The following ZNF675 variants were observed in gnomAD, a reference collection of about 807,000 sequenced individuals.
ZNF675 encodes the protein TRAF6 inhibitory zinc finger.
A neutral mutation model predicts 56.1 loss-of-function variants in ZNF675; 36 were observed. The observed-to-expected ratio is 0.64, with a 90% CI of 0.49 to 0.85. The LOEUF is 0.85. ZNF675 is among the 40% of genes least tolerant of loss of function. The probability of loss-of-function intolerance (pLI) is 0.00; values close to 1 mark genes in which losing one functional copy is unlikely to be tolerated. For synonymous variants in ZNF675, 200 were observed against 218.9 expected (o/e 0.91, Z 0.76); for missense variants, 663 against 654.2 (o/e 1.01, Z -0.15).
chr19:23,680,525 G>A (rs1968363104), intron 1 of ZNF675, among the ~76,000 whole-genome samples: 4 of 151,576 alleles, frequency 2.6e-5, no homozygotes, highest in African/African-American at 4.9e-5. Context: ...TTGGGAGGCT[G>A]AGGTGGGTGA....
At chr19:23,670,953 A>C (rs79593350) in intron 1 of ZNF675, among the ~76,000 whole-genome samples, 14,511 of 152,180 alleles carry the variant, frequency 0.095, 751 homozygotes, top group East Asian at 0.22. Flanking sequence ...CCCACTACTG[A>C]TCCTCATTGA....
At position 23,654,357 on chromosome 19, in the gene ZNF675, T is replaced by C; in HGVS notation, c.576A>G (p.Arg192=). 6.2e-7 allele frequency: 1 copy of C among 1,612,094 alleles called. No individual in the cohort carries two copies. Among genetic ancestry groups the C allele is most frequent in the Non-Finnish European group, 8.5e-7 (1 of 1,179,254 alleles). ...TGCAGAAATTCACCTTGGTATAATTTCTTTCATGTCGAGTTAGGTGTGAAA... is the reference window on the plus strand; with the variant it reads ...TGCAGAAATTCACCTTGGTATAATTCCTTTCATGTCGAGTTAGGTGTGAAA... ...CMLSHLTRHE[R]NYTKVNFCKC... The change falls in exon 4 of 4, where the codon AGA becomes AGG. Residue 192 remains arginine (R), a synonymous_variant. Transcript: ENST00000359788.
At position 23,657,725 on chromosome 19, in the gene ZNF675, CAAAA is replaced by C. The variant is rs550412769; in HGVS notation, c.227-3023_227-3020del. ...AGAGTAAAACTCCATCTCAAAAGAA[CAAAA>C]AAGACTATCTCCATGACTAATCACT... On this transcript the variant is annotated intron_variant, in intron 3 of 3. Transcript: ENST00000359788. 1.6e-4 allele frequency among the ~76,000 whole-genome samples: 25 copies of C among 151,580 alleles called. No homozygotes were observed. The South Asian group carries it at 4.8e-3, about 29-fold the overall frequency.
chr19:23,687,137 C>G lies in ZNF675; in HGVS notation c.-104G>C, dbSNP rs981543591. ...ACCTCTAGGAGCAGAGGACACAGAG[C>G]AATGAAAGCGAGACCTGGAGCTCCG... On this transcript the variant is annotated 5_prime_UTR_variant, in exon 1 of 4. Transcript: ENST00000359788. 4 of 1,450,026 alleles carry G rather than the reference C, an allele frequency of 2.8e-6. No homozygotes were observed. The highest frequency in any genetic ancestry group is 1.4e-5 in the African/African-American group (1 of 70,932). The allele number at this position is 1,450,026 out of a possible 1,614,324, so 89.8% of individuals were successfully genotyped here.
intron 1 of ZNF675, among the ~76,000 whole-genome samples, chr19:23,677,542 C>A (rs538861908): frequency 6.7e-5 from 10 of 150,214 alleles, no homozygotes; most frequent in Middle Eastern, 3.4e-3. Context: ...CTCATCTCTA[C>A]TAAAAATACA....
intron 2 of ZNF675, among the ~76,000 whole-genome samples, 157 bp downstream of exon 2, chr19:23,662,875 T>C (rs1351491663): frequency 6.6e-6 from 1 of 152,084 alleles, no homozygotes; most frequent in Non-Finnish European, 1.5e-5. Context: ...TCCCAGCTAC[T>C]TGGAAGGCTG....
In ZNF675 at chr19:23,684,275, A is replaced by AC. The variant is rs796589538; in HGVS notation, c.3+2755_3+2756insG. Among the ~76,000 whole-genome samples the AC allele has an allele frequency of 5.1e-3, 764 of 148,740 alleles. 3 individuals are homozygous for AC. The highest frequency in any genetic ancestry group is 0.024 in the South Asian group (111 of 4,714). ...AGACTCCGTCTCAAAAAAAAAAAAA[A>AC]AAAAAAACTAAAGTCAAAATAAGTG... is the stretch of plus-strand genomic sequence containing the variant. On this transcript the variant is annotated intron_variant, in intron 1 of 3. Transcript: ENST00000359788.
intron 1 of ZNF675, 36 bp downstream of exon 1, chr19:23,686,995 T>C: frequency 6.2e-7 from 1 of 1,613,226 alleles, no homozygotes; most frequent in Non-Finnish European, 8.5e-7. Context: ...AACCAGCCCC[T>C]TCCCCCTCTC....
At chr19:23,666,402 G>A (rs1437286996) in intron 1 of ZNF675, among the ~76,000 whole-genome samples, 1 of 152,212 alleles carries the variant, frequency 6.6e-6, no homozygotes, top group Non-Finnish European at 1.5e-5. Flanking sequence ...ACTAATCAGA[G>A]CAATTGTGGG....
chr19:23,658,056 G>A (rs1018529026), intron 3 of ZNF675, among the ~76,000 whole-genome samples: 3 of 152,086 alleles, frequency 2.0e-5, no homozygotes, highest in African/African-American at 7.2e-5. Flanking sequence ...CAACACTGAT[G>A]TACCATTAAA....
intron 1 of ZNF675, among the ~76,000 whole-genome samples, chr19:23,663,849 A>G (rs1968114585): frequency 6.6e-6 from 1 of 152,212 alleles, no homozygotes; most frequent in African/African-American, 2.4e-5. Flanking sequence ...TCAACATTAG[A>G]TGTTCTCCAT....
At chr19:23,661,753 G>C (rs1156953266) in intron 3 of ZNF675, among the ~76,000 whole-genome samples, 1 of 151,870 alleles carries the variant, frequency 6.6e-6, no homozygotes, top group African/African-American at 2.4e-5. Flanking sequence ...CAGACAAGAT[G>C]GAAAAAAAGA....
chr19:23,670,347 G>T (rs1968212840), intron 1 of ZNF675, among the ~76,000 whole-genome samples: 1 of 152,148 alleles, frequency 6.6e-6, no homozygotes, highest in African/African-American at 2.4e-5. Flanking sequence ...GGCCTATTTT[G>T]CAAGAGGCAG....
In ZNF675 at chr19:23,654,670, T is replaced by C; in HGVS notation, c.263A>G (p.Glu88Gly). The C allele has an allele frequency of 6.4e-7, 1 of 1,569,462 alleles. No individual in the cohort carries two copies. ...CSHFAQEFWP[E>G]QNIKDSFEKV... The stretch of plus-strand genomic sequence containing the variant: ...TTCAAAAGAATCTTTTATGTTCTGC[T>C]CTGGCCAAAACTCTTGGGCAAAATG... The change falls in exon 4 of 4, where the codon GAG (glutamate) becomes GGG (glycine). Residue 88 changes from glutamate (E) to glycine (G), a missense_variant. Physicochemically the swap from Glu to Gly is moderately conservative, Grantham distance 98 (BLOSUM62 -2). Around this residue, in one of 3 missense-constraint regions of ZNF675, gnomAD observed 617 missense variants for 590.5 expected, o/e 1.04. Transcript: ENST00000359788.
intron 1 of ZNF675, among the ~76,000 whole-genome samples, chr19:23,685,697 T>A (rs1470578846): frequency 1.3e-5 from 2 of 152,204 alleles, no homozygotes; most frequent in Non-Finnish European, 2.9e-5. Context: ...TGTCAAAAAA[T>A]GCTTAGTTAA....
chr19:23,685,718 C>G (rs1167999964), intron 1 of ZNF675, among the ~76,000 whole-genome samples: 1 of 151,984 alleles, frequency 6.6e-6, no homozygotes, highest in Non-Finnish European at 1.5e-5. Context: ...AATACAGTAT[C>G]TAAAGTGTAC....
chr19:23,686,741 G>A (rs1968447405), intron 1 of ZNF675, among the ~76,000 whole-genome samples: 1 of 152,176 alleles, frequency 6.6e-6, no homozygotes, highest in African/African-American at 2.4e-5. Context: ...CCCTCCTGTG[G>A]TCCCTGCACA....
At chr19:23,660,697 T>C (rs2144926241) in intron 3 of ZNF675, among the ~76,000 whole-genome samples, 1 of 152,200 alleles carries the variant, frequency 6.6e-6, no homozygotes, top group Admixed American at 6.5e-5. Context: ...AGAAAAGACA[T>C]AAATAAACTT....
At chr19:23,655,639 A>G (rs891472126) in intron 3 of ZNF675, 1 of 152,148 alleles carries the variant, frequency 6.6e-6, no homozygotes, top group African/African-American at 2.4e-5. Context: ...TCAGGACCCA[A>G]ATCAACAATG....
Sources: gnomAD v4.1 joint callset for allele counts (sites outside exome capture counted in the v4.1 genomes callset) on GRCh38, gnomAD v4.1.1 for gene constraint, gnomAD v4.1.1 regional missense constraint, MANE v1.5 for transcripts, NCBI Gene and HGNC (gene_info 2026-07-23, HGNC 2026-07-21) for gene names.